Variants in RIMBP2 observed in about 807,000 individuals in gnomAD.
RIMBP2 encodes RIMS-binding protein 2.
A neutral mutation model predicts 118.6 loss-of-function variants in RIMBP2; 48 were observed. The observed-to-expected ratio is 0.40, with a 90% CI of 0.32 to 0.51. The LOEUF (loss-of-function observed/expected upper bound fraction) is 0.51. Ranked by LOEUF, RIMBP2 falls within the 20% of genes least tolerant of loss-of-function variation. The pLI is 0.41. For missense variants in RIMBP2, 1,551 were observed against 1,768.3 expected, an observed-to-expected ratio of 0.88 and a Z score of 2.20; for synonymous variants, 762 against 742.9, an observed-to-expected ratio of 1.03 and a Z score of -0.42.
chr12:130,571,829 C>T (rs987592061), intron 2 of RIMBP2, among the ~76,000 whole-genome samples: 6 of 152,164 alleles, frequency 3.9e-5, no homozygotes, highest in African/African-American at 1.2e-4. Flanking sequence ...CTCTGCTGCC[C>T]CACACTGGCC....
chr12:130,478,756 G>A (rs1378846092), intron 5 of RIMBP2, among the ~76,000 whole-genome samples, 156 bp downstream of exon 5: 1 of 152,226 alleles, frequency 6.6e-6, no homozygotes, highest in Non-Finnish European at 1.5e-5. Context: ...ACCACAGCAG[G>A]AAAGCAGAAA....
chr12:130,602,605 C>T (rs946755788), intron 2 of RIMBP2, among the ~76,000 whole-genome samples: 6 of 152,192 alleles, frequency 3.9e-5, no homozygotes, highest in African/African-American at 1.4e-4. Context: ...CTACCATTGA[C>T]TTCTTTTGCT....
chr12:130,656,598 T>A (rs1188148801), intron 1 of RIMBP2, among the ~76,000 whole-genome samples: 1 of 152,176 alleles, frequency 6.6e-6, no homozygotes, highest in Non-Finnish European at 1.5e-5. Flanking sequence ...CCCTGACTCC[T>A]GGCAGCCTCA....
At chr12:130,607,675 C>T (rs2140520975) in intron 2 of RIMBP2, among the ~76,000 whole-genome samples, 1 of 152,142 alleles carries the variant, frequency 6.6e-6, no homozygotes, top group Non-Finnish European at 1.5e-5. Flanking sequence ...ATCCGACTCC[C>T]CAGCAAGGAG....
At chr12:130,679,644 C>A (rs1185886871) in intron 1 of RIMBP2, among the ~76,000 whole-genome samples, 1 of 152,138 alleles carries the variant, frequency 6.6e-6, no homozygotes, top group East Asian at 1.9e-4. Flanking sequence ...TGATGTGTAC[C>A]CTTTTCTCTA....
At chr12:130,691,494 G>T (rs764848576) in intron 1 of RIMBP2, among the ~76,000 whole-genome samples, 10 of 152,076 alleles carry the variant, frequency 6.6e-5, no homozygotes, top group Non-Finnish European at 1.5e-4. Flanking sequence ...ACACAGTGAG[G>T]CCCCATCTCT....
At chr12:130,438,663 G>A in intron 11 of RIMBP2, 147 bp from the exon 12 acceptor site, 1 of 324,038 alleles carries the variant, frequency 3.1e-6, no homozygotes, top group Non-Finnish European at 6.1e-6. Flanking sequence ...AAGCACATCA[G>A]AAACTGTGGT....
intron 1 of RIMBP2, among the ~76,000 whole-genome samples, chr12:130,636,257 C>T (rs2062341260): frequency 6.6e-6 from 1 of 152,206 alleles, no homozygotes; most frequent in Non-Finnish European, 1.5e-5. Flanking sequence ...TAAGACCTTT[C>T]ATCTGTGTTC....
At chr12:130,540,493 GTTTC>G (rs1261206614) in intron 2 of RIMBP2, among the ~76,000 whole-genome samples, 1 of 152,154 alleles carries the variant, frequency 6.6e-6, no homozygotes, top group Admixed American at 6.5e-5. Context: ...TCTTATCTGA[GTTTC>G]TTTCTCAGGA....
chr12:130,674,882 G>C (rs2064378791), intron 1 of RIMBP2, among the ~76,000 whole-genome samples: 1 of 152,298 alleles, frequency 6.6e-6, no homozygotes, highest in Non-Finnish European at 1.5e-5. Context: ...TCCGGGTCCG[G>C]CCTCTTCCAC....
intron 2 of RIMBP2, among the ~76,000 whole-genome samples, chr12:130,568,379 A>G (rs2057385244): frequency 6.6e-6 from 1 of 152,208 alleles, no homozygotes; most frequent in African/African-American, 2.4e-5. Context: ...AGGAATCCAG[A>G]TCTAACAGTC....
In RIMBP2 at chr12:130,561,480, C is replaced by T. The variant is rs185821625; in HGVS notation, c.-216-43563G>A. Among the ~76,000 whole-genome samples, 756 of 152,222 alleles carry T rather than the reference C, an allele frequency of 5.0e-3. 9 individuals carry two copies. Among genetic ancestry groups the T allele is most frequent in the African/African-American group, 0.017 (716 of 41,542 alleles). ...CTGATACGAGCAAGGTACCCCAAAC[C>T]CAATTTCCACCTTCTTCTTAATTGC... On this transcript the variant is annotated intron_variant, in intron 2 of 22. Coordinates refer to ENST00000690449, the MANE Select transcript of RIMBP2 (RefSeq NM_001393629.1).
At chr12:130,402,872 GATACCGAGATGCTGGGCT>G (rs1317215732) in intron 21 of RIMBP2, among the ~76,000 whole-genome samples, 1 of 152,222 alleles carries the variant, frequency 6.6e-6, no homozygotes, top group Non-Finnish European at 1.5e-5. Context: ...TAAGGTTTCA[GATACCGAGATGCTGGGCT>G]ATAGCAAGAA....
chr12:130,500,704 C>T (rs1299607005), intron 4 of RIMBP2, among the ~76,000 whole-genome samples: 2 of 152,162 alleles, frequency 1.3e-5, no homozygotes, highest in Admixed American at 1.3e-4. Context: ...GTAACTACCC[C>T]CGTTAACACA....
intron 1 of RIMBP2, among the ~76,000 whole-genome samples, chr12:130,676,788 C>T (rs1235569997): frequency 2.6e-5 from 4 of 152,150 alleles, no homozygotes; most frequent in South Asian, 2.1e-4. Context: ...GGCTTCCTGC[C>T]GATCCCACGC....
intron 1 of RIMBP2, among the ~76,000 whole-genome samples, chr12:130,699,904 TAAAAAAAAA>T (rs33963621): frequency 2.3e-5 from 2 of 85,676 alleles, no homozygotes; most frequent in Non-Finnish European, 4.8e-5. Flanking sequence ...GACTCTGTCT[TAAAAAAAAA>T]AAAAAAAAAA....
rs2052340341 is a variant in RIMBP2, at chr12:130,523,074, C to T, written c.-216-5157G>A. Among the ~76,000 whole-genome samples the T allele has an allele frequency of 6.6e-6, 1 of 152,016 alleles. No homozygotes were observed. The highest frequency in any genetic ancestry group is 1.5e-5 in the Non-Finnish European group (1 of 67,984). ...TCTATGTCTCTCTGCCTCTCTGTCTCTGTCTCCACGTCTCTGTTTCTCTGC... is the reference window on the plus strand; with the variant it reads ...TCTATGTCTCTCTGCCTCTCTGTCTTTGTCTCCACGTCTCTGTTTCTCTGC... On this transcript the variant is annotated intron_variant, in intron 2 of 22. Transcript: ENST00000690449. This position sits in a 1 kb window ranked among gnomAD's most constrained non-coding sequence, Gnocchi z 4.4.
intron 1 of RIMBP2, among the ~76,000 whole-genome samples, chr12:130,661,884 T>C (rs2063680966): frequency 6.6e-6 from 1 of 152,162 alleles, no homozygotes; most frequent in Admixed American, 6.5e-5. Flanking sequence ...GAAATGAAGG[T>C]TCCAGAACTC....
At chr12:130,405,545 G>A (rs1048942941) in intron 21 of RIMBP2, among the ~76,000 whole-genome samples, 9 of 152,220 alleles carry the variant, frequency 5.9e-5, no homozygotes, top group East Asian at 3.9e-4. Context: ...CCCCAGCTGC[G>A]GAAACTCTGA....
Sources: gnomAD v4.1 joint callset for allele counts (sites outside exome capture counted in the v4.1 genomes callset) on GRCh38, gnomAD v4.1.1 for gene constraint, Gnocchi (gnomAD v3.1) non-coding constraint, MANE v1.5 for transcripts, NCBI Gene and HGNC (gene_info 2026-07-23, HGNC 2026-07-21) for gene names.